Variants in GLO1 observed in about 807,000 individuals in gnomAD.
GLO1 encodes lactoylglutathione lyase.
GLO1 carries 28 observed loss-of-function variants against 26.0 expected under a neutral mutation model. The ratio of observed to expected loss-of-function variants is 1.08; its 90% CI spans 0.80 to 1.48. The LOEUF (loss-of-function observed/expected upper bound fraction) is 1.48. GLO1 is among the 40% of genes most tolerant of loss of function. GLO1 has a pLI of 0.00. For missense variants in GLO1, 225 were observed against 224.8 expected (o/e 1.00, Z -0.01); for synonymous variants, 78 against 77.6 (o/e 1.00, Z -0.03).
chr6:38,682,171 C>A, intron 4 of GLO1, 70 bp from the exon 5 acceptor site: 1 of 859,682 alleles, frequency 1.2e-6, no homozygotes, highest in South Asian at 1.3e-5. Flanking sequence ...CCAAGTACCA[C>A]AAGTAGATTC....
In GLO1 at chr6:38,676,346, A is replaced by T. The variant is rs1036936508; in HGVS notation, c.*949T>A. On this transcript the variant is annotated 3_prime_UTR_variant, in exon 6 of 6. Transcript: ENST00000373365. ...AAATATAAACATCACTTGTGTAGGA[A>T]TCACCAGGTGTCCCTAGAGCAGTTT... 1.3e-5 allele frequency: 2 copies of T among 152,152 alleles called. No individual in the cohort carries two copies. Among genetic ancestry groups the T allele is most frequent in the Admixed American group, 1.3e-4 (2 of 15,274 alleles). 9.4% of individuals were successfully genotyped at this position (152,152 alleles called of 1,614,324 possible).
At chr6:38,682,242 C>G (rs986701606) in intron 4 of GLO1, 141 bp from the exon 5 acceptor site, 1 of 619,072 alleles carries the variant, frequency 1.6e-6, no homozygotes, top group African/African-American at 1.8e-5. Flanking sequence ...GGTTCAAAAT[C>G]TATAATACAT....
intron 1 of GLO1, among the ~76,000 whole-genome samples, chr6:38,698,436 A>T (rs1761642480): frequency 6.8e-6 from 1 of 147,918 alleles, no homozygotes; most frequent in African/African-American, 2.5e-5. Flanking sequence ...ATATATATAT[A>T]TTCATATATT....
chr6:38,690,155 G>A (rs1013230451), intron 1 of GLO1, among the ~76,000 whole-genome samples: 3 of 152,146 alleles, frequency 2.0e-5, no homozygotes, highest in Non-Finnish European at 4.4e-5. Flanking sequence ...AAAGATTTAT[G>A]TACAAAGGCA....
chr6:38,681,381 AT>A (rs1284716883), intron 5 of GLO1, among the ~76,000 whole-genome samples: 1 of 152,128 alleles, frequency 6.6e-6, no homozygotes, highest in African/African-American at 2.4e-5. Flanking sequence ...AAGTATTTTA[AT>A]TTTTTTAAAA....
chr6:38,698,845 T>A lies in GLO1; in HGVS notation c.84+4126A>T, dbSNP rs148196070. On this transcript the variant is annotated intron_variant, in intron 1 of 5. Coordinates refer to ENST00000373365, the MANE Select transcript of GLO1 (RefSeq NM_006708.3). ...ACTTTGTGCCATTGCTGCTGTCTTC[T>A]TTACAAACGAGACCCTCATATCACT... 1.4e-3 allele frequency among the ~76,000 whole-genome samples: 211 copies of A among 152,260 alleles called. 1 individual carries two copies. Among genetic ancestry groups the A allele is most frequent in the African/African-American group, 4.7e-3 (196 of 41,540 alleles).
At chr6:38,701,091 T>C (rs981879907) in intron 1 of GLO1, among the ~76,000 whole-genome samples, 5 of 151,298 alleles carry the variant, frequency 3.3e-5, no homozygotes, top group African/African-American at 1.2e-4. Context: ...CATTGAGGTT[T>C]TTTATTTTCC....
At chr6:38,697,993 G>T (rs914230030) in intron 1 of GLO1, among the ~76,000 whole-genome samples, 38 of 152,164 alleles carry the variant, frequency 2.5e-4, no homozygotes, top group Non-Finnish European at 5.0e-4. Flanking sequence ...TTGAGAGACA[G>T]TCCCAAAAGC....
At chr6:38,696,923 T>C (rs868744017) in intron 1 of GLO1, among the ~76,000 whole-genome samples, 6 of 150,070 alleles carry the variant, frequency 4.0e-5, no homozygotes, top group Non-Finnish European at 7.4e-5. Context: ...CCTTCTTCTT[T>C]TTTTTTTTTT....
rs573858434 is a variant in GLO1, at chr6:38,687,054, T to A, written c.85-80A>T. On this transcript the variant is annotated intron_variant, in intron 1 of 5. Coordinates refer to ENST00000373365, the MANE Select transcript of GLO1 (RefSeq NM_006708.3). Reference sequence around the variant, plus strand: ...ATTAATTGTGCTTTCTGTAACAAGATACAAACACAATTGTTAACCTACCAC... The same window carrying A: ...ATTAATTGTGCTTTCTGTAACAAGAAACAAACACAATTGTTAACCTACCAC... The A allele has an allele frequency of 7.4e-5, 113 of 1,528,682 alleles. 1 individual carries two copies. The East Asian group carries it at 2.7e-3, about 36-fold the overall frequency. The allele number at this position is 1,528,682 out of a possible 1,614,324, so 94.7% of individuals were successfully genotyped here. A position where few individuals can be genotyped will look rare whatever the true frequency, so the allele number is the denominator to read the frequency against.
At chr6:38,677,563 A>G (rs1211096560) in intron 5 of GLO1, among the ~76,000 whole-genome samples, 180 bp from the exon 6 acceptor site, 1 of 152,120 alleles carries the variant, frequency 6.6e-6, no homozygotes, top group Non-Finnish European at 1.5e-5. Flanking sequence ...GGCGACAGGC[A>G]CGCACCACCT....
intron 1 of GLO1, among the ~76,000 whole-genome samples, chr6:38,694,330 T>C (rs965278430): frequency 5.3e-5 from 8 of 152,172 alleles, no homozygotes; most frequent in African/African-American, 1.9e-4. Flanking sequence ...TTGATGGTAT[T>C]GCTGAGTTCT....
Position 38,692,154 on chromosome 6 carries a change from G to A in GLO1, c.85-5180C>T, listed in dbSNP as rs1296140246. 2.0e-5 allele frequency among the ~76,000 whole-genome samples: 3 copies of A among 152,234 alleles called. No homozygotes were observed. In the South Asian group the frequency reaches 6.2e-4, roughly 32 times the overall value. On this transcript the variant is annotated intron_variant, in intron 1 of 5. Coordinates refer to ENST00000373365, the MANE Select transcript of GLO1 (RefSeq NM_006708.3). ...TTTGGGGAGAATTGATATCCTTACT[G>A]TGCTGAGTCTTCCAATCATGAACAC...
At chr6:38,699,374 T>C (rs552124108) in intron 1 of GLO1, among the ~76,000 whole-genome samples, 7 of 152,220 alleles carry the variant, frequency 4.6e-5, no homozygotes, top group African/African-American at 1.7e-4. Flanking sequence ...ACTGTACAAA[T>C]TGATTGTAAA....
chr6:38,686,823 T>C (rs1264978679), intron 2 of GLO1, 69 bp downstream of exon 2: 11 of 902,660 alleles, frequency 1.2e-5, no homozygotes, highest in Non-Finnish European at 2.0e-5. Context: ...AAGATGGGTC[T>C]GAAAACACTC....
chr6:38,686,316 C>T (rs908625857), intron 2 of GLO1, among the ~76,000 whole-genome samples: 5 of 152,120 alleles, frequency 3.3e-5, no homozygotes, highest in Admixed American at 3.3e-4. Context: ...TGCTCAAAAG[C>T]AAAATGCTCA....
chr6:38,692,807 C>A (rs969073672), intron 1 of GLO1, among the ~76,000 whole-genome samples: 2 of 150,280 alleles, frequency 1.3e-5, no homozygotes, highest in Admixed American at 1.3e-4. Flanking sequence ...TTCTTCTTTA[C>A]CCTCTTAATA....
At position 38,686,680 on chromosome 6, in the gene GLO1, T is replaced by C. The variant is rs556500916; in HGVS notation, c.167+212A>G. 3.9e-5 allele frequency among the ~76,000 whole-genome samples: 6 copies of C among 152,330 alleles called. No homozygotes were observed. In the East Asian group the frequency reaches 1.2e-3, roughly 29 times the overall value. On this transcript the variant is annotated intron_variant, in intron 2 of 5. Coordinates refer to ENST00000373365, the MANE Select transcript of GLO1 (RefSeq NM_006708.3). ...GGCAGACTGGAGAAAATGCAACTAT[T>C]TGTGTCTTGTTTTGCCCTTTCAGGC...
chr6:38,678,201 C>A (rs953577252), intron 5 of GLO1, among the ~76,000 whole-genome samples: 1 of 152,070 alleles, frequency 6.6e-6, no homozygotes, highest in African/African-American at 2.4e-5. Context: ...AATATGACCT[C>A]AGAAATTTAT....
Sources: allele counts gnomAD v4.1 joint callset (sites outside exome capture counted in the v4.1 genomes callset), GRCh38; gene constraint gnomAD v4.1.1; transcripts MANE v1.5; gene names NCBI Gene and HGNC (gene_info 2026-07-23, HGNC 2026-07-21).